CNTN3: variants seen among roughly 807,000 people sequenced by gnomAD.
CNTN3 encodes contactin-3.
In CNTN3, 60 loss-of-function variants were observed where a neutral mutation model predicts 119.1. The ratio of observed to expected loss-of-function variants is 0.50; its 90% confidence interval spans 0.41 to 0.62. CNTN3 has a LOEUF of 0.62. Ranked by LOEUF, CNTN3 falls within the 20% of genes least tolerant of loss-of-function variation. The probability of loss-of-function intolerance (pLI) is 0.00; values close to 1 mark genes in which losing one functional copy is unlikely to be tolerated. For missense variants in CNTN3, 1,101 were observed against 1,242.4 expected (o/e 0.89, Z 1.71); for synonymous variants, 450 against 438.7 (o/e 1.03, Z -0.32).
intron 3 of CNTN3, among the ~76,000 whole-genome samples, chr3:74,489,670 A>G (rs1205794763): frequency 6.9e-6 from 1 of 144,150 alleles, no homozygotes; most frequent in Non-Finnish European, 1.5e-5. Context: ...ATGCCTTTCA[A>G]CCAACAGCAT....
At chr3:74,497,787 A>G (rs1703090837) in intron 3 of CNTN3, among the ~76,000 whole-genome samples, 1 of 151,838 alleles carries the variant, frequency 6.6e-6, no homozygotes, top group Non-Finnish European at 1.5e-5. Context: ...TGCCAGGATG[A>G]CATCCCAGGA....
chr3:74,302,047 T>A (rs1702470906), intron 14 of CNTN3, among the ~76,000 whole-genome samples: 1 of 152,206 alleles, frequency 6.6e-6, no homozygotes, highest in Non-Finnish European at 1.5e-5. Context: ...CAAACCATAA[T>A]ACTCTCTGAT....
At chr3:74,302,571 G>T in intron 14 of CNTN3, 119 bp downstream of exon 14, 1 of 654,248 alleles carries the variant, frequency 1.5e-6, no homozygotes, top group Admixed American at 2.4e-5. Context: ...TCTATGAGGG[G>T]GGATGAAATC....
intron 20 of CNTN3, among the ~76,000 whole-genome samples, chr3:74,281,870 G>T (rs1332848955): frequency 2.6e-5 from 4 of 152,180 alleles, no homozygotes; most frequent in African/African-American, 9.7e-5. Context: ...CTTATTACAT[G>T]ATTGTGGTGA....
intron 4 of CNTN3, among the ~76,000 whole-genome samples, chr3:74,430,514 A>G (rs188541845): frequency 2.0e-5 from 3 of 152,264 alleles, no homozygotes; most frequent in Admixed American, 2.0e-4. Flanking sequence ...AGGCTGAGGT[A>G]GGAGGGTTGC....
intron 1 of CNTN3, among the ~76,000 whole-genome samples, chr3:74,584,864 G>C (rs1236841221): frequency 6.6e-6 from 1 of 152,078 alleles, no homozygotes; most frequent in East Asian, 1.9e-4. Flanking sequence ...AGTACAGCCA[G>C]GATTTCGATC....
chr3:74,362,555 T>C (rs564367265), intron 10 of CNTN3, among the ~76,000 whole-genome samples: 3 of 152,318 alleles, frequency 2.0e-5, no homozygotes, highest in African/African-American at 2.4e-5. Context: ...AAAAATAATA[T>C]TACGCACATA....
chr3:74,324,448 G>T (rs756942075), intron 13 of CNTN3, among the ~76,000 whole-genome samples: 2 of 152,050 alleles, frequency 1.3e-5, no homozygotes, highest in Non-Finnish European at 2.9e-5. Flanking sequence ...CTCCCAAAGT[G>T]CTGGAATTAC....
Position 74,469,124 on chromosome 3 carries a change from C to A in CNTN3, c.358+17332G>T, listed in dbSNP as rs145406833. ...ATCTTAGAATCACAGAAGGGTAGAA[C>A]AGAAGAGTATTTTAAATAATGTGAC... On this transcript the variant is annotated intron_variant, in intron 4 of 22. Transcript: ENST00000263665. 6.7e-3 allele frequency among the ~76,000 whole-genome samples: 1,023 copies of A among 152,094 alleles called. 16 individuals carry two copies. Among genetic ancestry groups the A allele is most frequent in the African/African-American group, 0.024 (980 of 41,474 alleles).
At chr3:74,318,692 C>G (rs1420336628) in intron 13 of CNTN3, among the ~76,000 whole-genome samples, 2 of 152,136 alleles carry the variant, frequency 1.3e-5, no homozygotes, top group Non-Finnish European at 2.9e-5. Flanking sequence ...ACTGCAAATG[C>G]TGCTGCCTGA....
At chr3:74,554,285 T>C (rs1210280096) in intron 1 of CNTN3, among the ~76,000 whole-genome samples, 2 of 152,158 alleles carry the variant, frequency 1.3e-5, no homozygotes, top group Admixed American at 1.3e-4. Context: ...ATATATCTGT[T>C]TTGGTACCAG....
chr3:74,612,795 T>A (rs541427508), intron 1 of CNTN3, among the ~76,000 whole-genome samples: 45 of 152,322 alleles, frequency 3.0e-4, no homozygotes, highest in African/African-American at 1.1e-3. Context: ...AACCCCACTC[T>A]TTATTATTTG....
At position 74,595,641 on chromosome 3, in the gene CNTN3, C is replaced by G. The variant is rs555091855; in HGVS notation, c.-81+18750G>C. Among the ~76,000 whole-genome samples the G allele has an allele frequency of 1.5e-4, 23 of 152,178 alleles. No individual in the cohort carries two copies. In the Middle Eastern group the frequency reaches 0.01, roughly 68 times the overall value. On this transcript the variant is annotated intron_variant, in intron 1 of 22. Transcript: ENST00000263665. ...AAGGCCTTTGGCAAAATTCAACAAC[C>G]CTTCTTGCTAAAAACTCTCAATAAA... is the stretch of plus-strand genomic sequence containing the variant.
intron 11 of CNTN3, among the ~76,000 whole-genome samples, chr3:74,352,667 T>G (rs1009055623): frequency 6.6e-6 from 1 of 152,114 alleles, no homozygotes; most frequent in Non-Finnish European, 1.5e-5. Flanking sequence ...AATAACAATA[T>G]GATAAATTAG....
intron 1 of CNTN3, among the ~76,000 whole-genome samples, chr3:74,590,014 C>T (rs1211673343): frequency 4.0e-5 from 6 of 149,396 alleles, no homozygotes; most frequent in African/African-American, 7.4e-5. Context: ...TGCTAAATGA[C>T]GAGTTAATGG....
At chr3:74,435,572 A>G (rs1214570886) in intron 4 of CNTN3, among the ~76,000 whole-genome samples, 1 of 152,190 alleles carries the variant, frequency 6.6e-6, no homozygotes, top group African/African-American at 2.4e-5. Context: ...CACTCTTATG[A>G]AGTCATAAGA....
chr3:74,499,820 C>G (rs754789723), intron 2 of CNTN3, 35 bp from the exon 3 acceptor site: 2 of 1,547,454 alleles, frequency 1.3e-6, no homozygotes, highest in Non-Finnish European at 1.7e-6. Context: ...AAATAATAAT[C>G]AGTAAAAGGC....
chr3:74,408,743 A>G (rs1701387322), intron 5 of CNTN3, among the ~76,000 whole-genome samples: 1 of 152,146 alleles, frequency 6.6e-6, no homozygotes, highest in Non-Finnish European at 1.5e-5. Flanking sequence ...TGCCTTCTTC[A>G]GAGTAATTAC....
intron 20 of CNTN3, among the ~76,000 whole-genome samples, chr3:74,284,737 C>T (rs1257849003): frequency 6.6e-6 from 1 of 152,144 alleles, no homozygotes; most frequent in Non-Finnish European, 1.5e-5. Flanking sequence ...CTCATGATTG[C>T]AGCTGGCGAA....
Sources: allele counts gnomAD v4.1 joint callset (sites outside exome capture counted in the v4.1 genomes callset), GRCh38; gene constraint gnomAD v4.1.1; transcripts MANE v1.5; gene names NCBI Gene and HGNC (gene_info 2026-07-23, HGNC 2026-07-21).